The following GALNTL6 variants were observed in gnomAD, a reference collection of about 807,000 sequenced individuals.
GALNTL6 encodes polypeptide N-acetylgalactosaminyltransferase-like 6.
Under a neutral mutation model 73.7 loss-of-function variants are expected in GALNTL6, and 46 were observed. That is an observed-to-expected ratio of 0.62 (90% CI 0.49 to 0.80). The LOEUF (loss-of-function observed/expected upper bound fraction) is 0.80. Among genes scored for constraint, GALNTL6 ranks in the 30% least tolerant of loss-of-function variants. The pLI, the probability that GALNTL6 is intolerant of heterozygous loss-of-function variation, is 0.00. For missense variants in GALNTL6, 604 were observed against 755.0 expected (o/e 0.80, Z 2.34); for synonymous variants, 259 against 263.7 (o/e 0.98, Z 0.17).
chr4:172,779,186 A>C (rs1326592712), intron 5 of GALNTL6, among the ~76,000 whole-genome samples: 1 of 152,172 alleles, frequency 6.6e-6, no homozygotes, highest in African/African-American at 2.4e-5. Context: ...TACAGTATGA[A>C]ATTAGAAATC....
chr4:172,284,398 C>T (rs1739176526), intron 3 of GALNTL6, among the ~76,000 whole-genome samples: 2 of 151,538 alleles, frequency 1.3e-5, no homozygotes, highest in Admixed American at 1.3e-4. Context: ...CCATCCACCC[C>T]CCACACACAC....
intron 8 of GALNTL6, among the ~76,000 whole-genome samples, chr4:172,883,807 C>T (rs1446026633): frequency 6.6e-6 from 1 of 151,820 alleles, no homozygotes; most frequent in African/African-American, 2.4e-5. Flanking sequence ...CTTCTATTCC[C>T]AGCCTCTGGT....
chr4:172,578,864 C>CT (rs1320066167), intron 5 of GALNTL6, among the ~76,000 whole-genome samples: 1 of 152,162 alleles, frequency 6.6e-6, no homozygotes, highest in Non-Finnish European at 1.5e-5. Flanking sequence ...AGCGTATTTT[C>CT]TTAGCAAAAG....
intron 2 of GALNTL6, among the ~76,000 whole-genome samples, chr4:171,827,771 A>G (rs1157759617): frequency 2.6e-5 from 4 of 152,102 alleles, no homozygotes; most frequent in East Asian, 1.9e-4. Context: ...CGGTACCTTC[A>G]TTATCTTTAC....
chr4:172,203,872 G>A lies in GALNTL6; in HGVS notation c.139-25784G>A, dbSNP rs1847355. Among the ~76,000 whole-genome samples, 295 of 152,086 alleles carry A rather than the reference G, an allele frequency of 1.9e-3. 1 individual carries two copies. The highest frequency in any genetic ancestry group is 0.013 in the Admixed American group (195 of 15,266). ...AGTGATTCTCCTGCCTCAGTCTCCCGAGTAGCTGGGATTACAGGCATGTGT... is the reference window on the plus strand; with the variant it reads ...AGTGATTCTCCTGCCTCAGTCTCCCAAGTAGCTGGGATTACAGGCATGTGT... On this transcript the variant is annotated intron_variant, in intron 2 of 12. Coordinates refer to ENST00000506823, the MANE Select transcript of GALNTL6 (RefSeq NM_001034845.3).
rs543865918 is a variant in GALNTL6, at chr4:173,040,519, A to G, written c.*419A>G. On this transcript the variant is annotated 3_prime_UTR_variant, in exon 13 of 13. Coordinates refer to ENST00000506823, the MANE Select transcript of GALNTL6 (RefSeq NM_001034845.3). ...CTGAGGATATCACAGGTTTAGAACTAGCCAAGCTTAAGGGGTGAGCTGTAC... is the reference window on the plus strand; with the variant it reads ...CTGAGGATATCACAGGTTTAGAACTGGCCAAGCTTAAGGGGTGAGCTGTAC... 1 of 166,022 alleles carries G rather than the reference A, an allele frequency of 6.0e-6. No individual in the cohort carries two copies. The highest frequency in any genetic ancestry group is 1.3e-5 in the Non-Finnish European group (1 of 77,140). The allele number at this position is 166,022 out of a possible 1,614,324, so 10.3% of individuals were successfully genotyped here. A position where few individuals can be genotyped will look rare whatever the true frequency, so the allele number is the denominator to read the frequency against.
At chr4:172,015,314 C>A (rs1741153004) in intron 2 of GALNTL6, among the ~76,000 whole-genome samples, 1 of 151,908 alleles carries the variant, frequency 6.6e-6, no homozygotes, top group Non-Finnish European at 1.5e-5. Flanking sequence ...TAATGTCCTT[C>A]TTTCTCTTTG....
intron 5 of GALNTL6, among the ~76,000 whole-genome samples, chr4:172,428,509 C>A (rs1057306980): frequency 3.3e-5 from 5 of 152,124 alleles, no homozygotes; most frequent in Non-Finnish European, 7.4e-5. Context: ...CTTGCATTAC[C>A]ATCAGTCCAC....
chr4:172,037,521 C>G lies in GALNTL6; in HGVS notation c.139-192135C>G, dbSNP rs181683387. On this transcript the variant is annotated intron_variant, in intron 2 of 12. Transcript: ENST00000506823. ...CTCACATAAAAACACTAAAAATGCC[C>G]TCTACATTCCTCTCTTTTCCTTGTC... is the stretch of plus-strand genomic sequence containing the variant. Among the ~76,000 whole-genome samples, 373 of 152,234 alleles carry G rather than the reference C, an allele frequency of 2.5e-3. 3 individuals are homozygous for G. The highest frequency in any genetic ancestry group is 8.4e-3 in the African/African-American group (349 of 41,570).
At chr4:172,089,355 G>A (rs1732133567) in intron 2 of GALNTL6, among the ~76,000 whole-genome samples, 1 of 152,192 alleles carries the variant, frequency 6.6e-6, no homozygotes, top group South Asian at 2.1e-4. Context: ...AGGGCAGACA[G>A]CGGCAATCTG....
chr4:172,299,818 G>A (rs1739841698), intron 3 of GALNTL6, among the ~76,000 whole-genome samples: 2 of 152,212 alleles, frequency 1.3e-5, no homozygotes, highest in Admixed American at 6.5e-5. Flanking sequence ...TAGGTATGGT[G>A]TGGTGCTGAG....
chr4:172,717,623 C>T (rs568658467), intron 5 of GALNTL6, among the ~76,000 whole-genome samples: 32 of 152,118 alleles, frequency 2.1e-4, no homozygotes, highest in Non-Finnish European at 2.2e-4. Flanking sequence ...CTACAATTGC[C>T]AGCACTACTA....
chr4:172,214,559 G>C (rs1736433991), intron 2 of GALNTL6, among the ~76,000 whole-genome samples: 2 of 145,716 alleles, frequency 1.4e-5, no homozygotes, highest in South Asian at 4.3e-4. Context: ...CTGTCACCCA[G>C]GCTGGAGTGC....
At chr4:172,113,020 C>A (rs1031959036) in intron 2 of GALNTL6, among the ~76,000 whole-genome samples, 1 of 151,798 alleles carries the variant, frequency 6.6e-6, no homozygotes, top group Admixed American at 6.6e-5. Context: ...CAGAATAGGA[C>A]AGTGCATTTT....
At chr4:172,935,327 AT>A (rs1731939737) in intron 9 of GALNTL6, among the ~76,000 whole-genome samples, 1 of 152,114 alleles carries the variant, frequency 6.6e-6, no homozygotes, top group African/African-American at 2.4e-5. Flanking sequence ...AGTATCAGTA[AT>A]TTTTTCATTT....
chr4:172,299,960 C>G (rs894241101), intron 3 of GALNTL6, among the ~76,000 whole-genome samples: 2 of 152,096 alleles, frequency 1.3e-5, no homozygotes, highest in Non-Finnish European at 2.9e-5. Context: ...CTAATGTTGA[C>G]AGTGGGGTGT....
intron 2 of GALNTL6, among the ~76,000 whole-genome samples, chr4:172,176,022 A>G (rs962761211): frequency 6.6e-5 from 10 of 152,180 alleles, no homozygotes; most frequent in Admixed American, 3.3e-4. Context: ...AATAGAGTGC[A>G]CAGCCTACTC....
At chr4:172,106,918 G>T (rs113861171) in intron 2 of GALNTL6, among the ~76,000 whole-genome samples, 6 of 152,226 alleles carry the variant, frequency 3.9e-5, no homozygotes, top group African/African-American at 9.6e-5. Context: ...TTGTTGCCCA[G>T]GCTGGAGTGC....
At chr4:172,788,670 T>TAAA (rs1560953312) in intron 5 of GALNTL6, among the ~76,000 whole-genome samples, 11 of 49,830 alleles carry the variant, frequency 2.2e-4, no homozygotes, top group African/African-American at 6.0e-4. Context: ...AGACTCCGTC[T>TAAA]CAAAAAAAAA....
Sources: gnomAD v4.1 joint callset for allele counts (sites outside exome capture counted in the v4.1 genomes callset) on GRCh38, gnomAD v4.1.1 for gene constraint, MANE v1.5 for transcripts, NCBI Gene and HGNC (gene_info 2026-07-23, HGNC 2026-07-21) for gene names.